METTL15: variants seen among roughly 807,000 people sequenced by gnomAD.
METTL15 encodes the protein 12S rRNA N(4)-cytidine methyltransferase METTL15.
METTL15 carries 34 observed loss-of-function variants against 38.3 expected under a neutral mutation model. The ratio of observed to expected loss-of-function variants is 0.89; its 90% CI spans 0.68 to 1.18. The LOEUF is 1.18. Ranked by LOEUF, METTL15 falls within the 50% of genes most tolerant of loss-of-function variation. METTL15 has a pLI of 0.00. For synonymous variants in METTL15, 162 were observed against 170.9 expected, an observed-to-expected ratio of 0.95 and a Z score of 0.41; for missense variants, 438 against 498.4, an observed-to-expected ratio of 0.88 and a Z score of 1.15.
intron 6 of METTL15, among the ~76,000 whole-genome samples, chr11:28,525,828 C>A (rs1851805806): frequency 6.6e-6 from 1 of 152,258 alleles, no homozygotes; most frequent in Admixed American, 6.5e-5. Context: ...GTGGATGGGA[C>A]TGGGCGCTGT....
chr11:28,239,151 T>G (rs1262539591), intron 4 of METTL15, among the ~76,000 whole-genome samples: 4 of 152,186 alleles, frequency 2.6e-5, no homozygotes, highest in South Asian at 4.1e-4. Context: ...ATTTTTATCT[T>G]CAGCCTTATC....
intron 6 of METTL15, among the ~76,000 whole-genome samples, chr11:28,497,076 G>A (rs943369941): frequency 5.3e-5 from 8 of 152,202 alleles, no homozygotes; most frequent in African/African-American, 1.9e-4. Context: ...TAAGGATAAA[G>A]GAGACTGACT....
At chr11:28,203,800 T>A (rs1852204736) in intron 3 of METTL15, among the ~76,000 whole-genome samples, 1 of 152,062 alleles carries the variant, frequency 6.6e-6, no homozygotes, top group African/African-American at 2.4e-5. Flanking sequence ...AAAAGCTTGT[T>A]TTCTCATTTC....
chr11:28,441,950 A>G (rs937063628), intron 6 of METTL15, among the ~76,000 whole-genome samples: 1 of 152,202 alleles, frequency 6.6e-6, no homozygotes, highest in Non-Finnish European at 1.5e-5. Context: ...ATGTTCCAAG[A>G]TGCTTTTTAC....
chr11:28,317,162 A>G (rs983858518), intron 6 of METTL15, among the ~76,000 whole-genome samples: 5 of 152,198 alleles, frequency 3.3e-5, no homozygotes, highest in East Asian at 1.9e-4. Flanking sequence ...GTAAATCTCA[A>G]CCACCCATAG....
downstream of METTL15, among the ~76,000 whole-genome samples, chr11:28,335,194 CAA>C (rs1390497904): frequency 6.6e-6 from 1 of 152,088 alleles, no homozygotes; most frequent in Admixed American, 6.6e-5. Flanking sequence ...ATTAAGCCAT[CAA>C]ATGATAGGAT....
At chr11:28,466,652 A>C (rs1851258888) in intron 6 of METTL15, among the ~76,000 whole-genome samples, 1 of 152,184 alleles carries the variant, frequency 6.6e-6, no homozygotes, top group African/African-American at 2.4e-5. Context: ...CCCTCGGTAC[A>C]TCACGCGGTG....
chr11:28,220,317 G>A (rs1224745744), intron 4 of METTL15, among the ~76,000 whole-genome samples: 2 of 152,114 alleles, frequency 1.3e-5, no homozygotes, highest in Non-Finnish European at 2.9e-5. Context: ...ATTATGTAAT[G>A]GGCTTCTTTG....
At chr11:28,353,968 T>C (rs1850067775) in intron 4 of METTL15, among the ~76,000 whole-genome samples, 2 of 148,996 alleles carry the variant, frequency 1.3e-5, no homozygotes, top group South Asian at 4.2e-4. Context: ...TCAAGCAATG[T>C]CTAATGTCTA....
At chr11:28,470,629 C>G (rs561795606) in intron 6 of METTL15, among the ~76,000 whole-genome samples, 3 of 152,138 alleles carry the variant, frequency 2.0e-5, no homozygotes, top group East Asian at 1.9e-4. Flanking sequence ...TGCTGTCTTC[C>G]TTGAACTTAT....
chr11:28,193,207 G>A lies in METTL15; in HGVS notation c.271-17855G>A, dbSNP rs566884081. ...ATATTTATATAGATGTTTACCCTCT[G>A]TATTAGTCAGTTCTCACACTGCTAT... is the stretch of plus-strand genomic sequence containing the variant. On this transcript the variant is annotated intron_variant, in intron 3 of 6. Coordinates refer to ENST00000407364, the MANE Select transcript of METTL15 (RefSeq NM_001113528.2). Among the ~76,000 whole-genome samples the A allele has an allele frequency of 1.3e-5, 2 of 152,118 alleles. 1 individual carries two copies. Among genetic ancestry groups the A allele is most frequent in the African/African-American group, 4.8e-5 (2 of 41,520 alleles).
chr11:28,528,936 G>T (rs974407538), downstream of METTL15, among the ~76,000 whole-genome samples: 2 of 152,108 alleles, frequency 1.3e-5, no homozygotes, highest in African/African-American at 4.8e-5. Flanking sequence ...AAACAAAATG[G>T]CATGAGGCAA....
At chr11:28,410,896 A>T (rs1850718891) in intron 5 of METTL15, 1 of 152,116 alleles carries the variant, frequency 6.6e-6, no homozygotes, top group Non-Finnish European at 1.5e-5. Flanking sequence ...AAAAACTGTA[A>T]GAACTAATAA....
chr11:28,513,459 G>T (rs1851693093), intron 6 of METTL15, among the ~76,000 whole-genome samples: 1 of 152,206 alleles, frequency 6.6e-6, no homozygotes, highest in Non-Finnish European at 1.5e-5. Context: ...CTGGTGAGTT[G>T]GTAGAGTAGA....
chr11:28,461,968 T>G (rs1253634178), intron 6 of METTL15, among the ~76,000 whole-genome samples: 1 of 152,024 alleles, frequency 6.6e-6, no homozygotes, highest in African/African-American at 2.4e-5. Flanking sequence ...TCTGTAGATG[T>G]GATTCAGTTC....
chr11:28,120,664 A>T (rs2133605577), intron 3 of METTL15, among the ~76,000 whole-genome samples: 1 of 152,166 alleles, frequency 6.6e-6, no homozygotes, highest in African/African-American at 2.4e-5. Flanking sequence ...ATTTTGTATC[A>T]ATCACGATGC....
intron 6 of METTL15, among the ~76,000 whole-genome samples, chr11:28,466,249 A>T (rs1326398362): frequency 6.6e-6 from 1 of 152,222 alleles, no homozygotes; most frequent in Non-Finnish European, 1.5e-5. Context: ...TCAGGTGGAT[A>T]GATTGACGAA....
chr11:28,228,993 C>G (rs771001725), intron 4 of METTL15, among the ~76,000 whole-genome samples: 1 of 151,732 alleles, frequency 6.6e-6, no homozygotes, highest in Admixed American at 6.6e-5. Context: ...AGTTCTGCCT[C>G]TTTCTAGCTA....
intron 3 of METTL15, among the ~76,000 whole-genome samples, chr11:28,119,020 G>C (rs1034574112): frequency 6.6e-6 from 1 of 152,080 alleles, no homozygotes; most frequent in African/African-American, 2.4e-5. Flanking sequence ...AACCTGTCTG[G>C]AACTGAAAAA....
Sources: allele counts gnomAD v4.1 joint callset (sites outside exome capture counted in the v4.1 genomes callset), GRCh38; gene constraint gnomAD v4.1.1; transcripts MANE v1.5; gene names NCBI Gene and HGNC (gene_info 2026-07-23, HGNC 2026-07-21).